Variants in CSMD1 observed in about 807,000 individuals in gnomAD.
CSMD1 encodes CUB and Sushi multiple domains 1, also known as CUB and sushi domain-containing protein 1.
Under a neutral mutation model 417.5 loss-of-function variants are expected in CSMD1, and 213 were observed. The observed-to-expected ratio is 0.51, with a 90% CI of 0.46 to 0.57. The LOEUF (loss-of-function observed/expected upper bound fraction) is 0.57, where lower values mean the gene tolerates loss of function less well. Among genes scored for constraint, CSMD1 ranks in the 20% least tolerant of loss-of-function variants. The pLI, the probability that CSMD1 is intolerant of heterozygous loss-of-function variation, is 0.00. For missense variants in CSMD1, 6,923 were observed against 4,529.7 expected (o/e 1.53, Z -15.17); for synonymous variants, 2,862 against 1,736.8 (o/e 1.65, Z -16.11).
chr8:2,960,646 G>C (rs1289102187), intron 62 of CSMD1, among the ~76,000 whole-genome samples: 2 of 152,032 alleles, frequency 1.3e-5, no homozygotes, highest in African/African-American at 4.8e-5. Context: ...GAAATTTAAA[G>C]ATCATACGGA....
In CSMD1 at chr8:3,425,505, T is replaced by C. The variant is rs1813780187; in HGVS notation, c.1562-15900A>G. Among the ~76,000 whole-genome samples, 3 of 150,346 alleles carry C rather than the reference T, an allele frequency of 2.0e-5. No homozygotes were observed. In the Admixed American group the frequency reaches 2.0e-4, roughly 10 times the overall value. On this transcript the variant is annotated intron_variant, in intron 12 of 69. Transcript: ENST00000635120. Reference sequence around the variant, plus strand: ...TGGGAGGCTGAGGCAGGAGAACCGCTTGAACCCAGGAGGTGGAGGTTGCAG... The same window carrying C: ...TGGGAGGCTGAGGCAGGAGAACCGCCTGAACCCAGGAGGTGGAGGTTGCAG...
At chr8:3,525,911 C>T (rs1012728087) in intron 10 of CSMD1, among the ~76,000 whole-genome samples, 3 of 152,108 alleles carry the variant, frequency 2.0e-5, no homozygotes, top group African/African-American at 7.2e-5. Context: ...TGGGCACCTA[C>T]CACACACAAA....
intron 5 of CSMD1, among the ~76,000 whole-genome samples, chr8:3,800,844 G>T (rs536703828): frequency 6.6e-6 from 1 of 151,980 alleles, no homozygotes; most frequent in East Asian, 1.9e-4. Flanking sequence ...TTTTGACACA[G>T]CACAAAAGCC....
chr8:4,877,812 C>T (rs911817865), intron 1 of CSMD1, among the ~76,000 whole-genome samples: 20 of 152,242 alleles, frequency 1.3e-4, no homozygotes, highest in African/African-American at 4.6e-4. Context: ...AATCTTTTCA[C>T]TAACAGGCCC....
intron 3 of CSMD1, among the ~76,000 whole-genome samples, chr8:4,222,543 A>G (rs563544417): frequency 1.8e-4 from 27 of 152,336 alleles, no homozygotes; most frequent in African/African-American, 6.3e-4. Context: ...CATAAAAACC[A>G]CAGAAGTACA....
chr8:3,987,584 C>A (rs1814428187), intron 5 of CSMD1, among the ~76,000 whole-genome samples: 1 of 152,120 alleles, frequency 6.6e-6, no homozygotes, highest in African/African-American at 2.4e-5. Flanking sequence ...TTTTTAATTC[C>A]TCGTTCTTCT....
intron 50 of CSMD1, among the ~76,000 whole-genome samples, chr8:3,037,255 G>C (rs959691216): frequency 1.3e-5 from 2 of 149,242 alleles, no homozygotes; most frequent in African/African-American, 5.0e-5. Flanking sequence ...GCCCAGGCTG[G>C]AGTGCAGTGG....
intron 5 of CSMD1, among the ~76,000 whole-genome samples, chr8:3,920,549 T>G (rs1384116498): frequency 6.6e-6 from 1 of 152,158 alleles, no homozygotes; most frequent in Non-Finnish European, 1.5e-5. Context: ...GCAACTTGTC[T>G]TGTTCTTAAA....
chr8:4,925,766 C>G (rs1207439950), intron 1 of CSMD1, among the ~76,000 whole-genome samples: 2 of 152,104 alleles, frequency 1.3e-5, no homozygotes, highest in East Asian at 3.9e-4. Flanking sequence ...TCAGGATGGT[C>G]TCAAACTCCT....
intron 3 of CSMD1, among the ~76,000 whole-genome samples, chr8:4,282,502 C>T (rs111492344): frequency 2.8e-4 from 42 of 152,160 alleles, no homozygotes; most frequent in African/African-American, 9.9e-4. Flanking sequence ...ATCGTTATCT[C>T]CCTCTAAGCT....
intron 1 of CSMD1, among the ~76,000 whole-genome samples, chr8:4,967,157 G>A (rs1271729307): frequency 2.0e-5 from 3 of 151,962 alleles, no homozygotes; most frequent in East Asian, 1.9e-4. Context: ...CCTTGTATTC[G>A]GAAAATAATT....
chr8:4,386,495 A>G (rs1803465450), intron 3 of CSMD1, among the ~76,000 whole-genome samples: 1 of 152,260 alleles, frequency 6.6e-6, no homozygotes, highest in Admixed American at 6.5e-5. Flanking sequence ...AGTCTCCAAT[A>G]GAGAATCTCA....
intron 25 of CSMD1, among the ~76,000 whole-genome samples, chr8:3,305,295 AAATT>A (rs1804746366): frequency 6.6e-6 from 1 of 151,876 alleles, no homozygotes; most frequent in African/African-American, 2.4e-5. Context: ...AATAATCATC[AAATT>A]AATCATTTAT....
At chr8:4,068,223 G>C (rs894205313) in intron 3 of CSMD1, among the ~76,000 whole-genome samples, 13 of 152,176 alleles carry the variant, frequency 8.5e-5, no homozygotes, top group South Asian at 2.1e-4. Context: ...AGTGTTAAAA[G>C]CAGAAGAAAA....
chr8:3,969,897 T>C (rs908596423), intron 5 of CSMD1, among the ~76,000 whole-genome samples: 3 of 151,964 alleles, frequency 2.0e-5, no homozygotes, highest in African/African-American at 4.8e-5. Context: ...CTGGATAATT[T>C]GCAAAAACAA....
intron 7 of CSMD1, among the ~76,000 whole-genome samples, chr8:3,696,563 A>G (rs1011904152): frequency 4.6e-5 from 7 of 152,210 alleles, no homozygotes; most frequent in African/African-American, 1.7e-4. Context: ...AATTTAATCC[A>G]ATTAGTGTGG....
At chr8:4,707,041 G>A (rs1807989505) in intron 1 of CSMD1, among the ~76,000 whole-genome samples, 1 of 152,180 alleles carries the variant, frequency 6.6e-6, no homozygotes, top group African/African-American at 2.4e-5. Context: ...TCTAACTTAA[G>A]GACTTAAGGT....
At chr8:4,694,441 TC>T (rs1444141450) in intron 1 of CSMD1, among the ~76,000 whole-genome samples, 1 of 151,996 alleles carries the variant, frequency 6.6e-6, no homozygotes, top group African/African-American at 2.4e-5. Context: ...AACCCCTGCC[TC>T]CCGGATTCAA....
At chr8:3,973,623 G>A (rs966407835) in intron 5 of CSMD1, among the ~76,000 whole-genome samples, 2 of 152,138 alleles carry the variant, frequency 1.3e-5, no homozygotes, top group African/African-American at 4.8e-5. Flanking sequence ...TCATTGTGAT[G>A]CTTCCTGATT....
Sources: allele counts gnomAD v4.1 joint callset (sites outside exome capture counted in the v4.1 genomes callset), GRCh38; gene constraint gnomAD v4.1.1; transcripts MANE v1.5; gene names NCBI Gene and HGNC (gene_info 2026-07-23, HGNC 2026-07-21).